Variants in GDI2 observed in about 807,000 individuals in gnomAD.
The protein encoded by GDI2 is GDP dissociation inhibitor 2.
GDI2 carries 22 observed loss-of-function variants against 54.2 expected under a neutral mutation model. That is an observed-to-expected ratio of 0.41 (90% CI 0.29 to 0.58). The LOEUF (loss-of-function observed/expected upper bound fraction) is 0.58, where lower values mean the gene tolerates loss of function less well. Among genes scored for constraint, GDI2 ranks in the 20% least tolerant of loss-of-function variants. The probability of loss-of-function intolerance (pLI) is 0.35; values close to 1 mark genes in which losing one functional copy is unlikely to be tolerated. For missense variants in GDI2, 422 were observed against 546.0 expected (o/e 0.77, Z 2.26); for synonymous variants, 177 against 182.1 (o/e 0.97, Z 0.23).
intron 4 of GDI2, among the ~76,000 whole-genome samples, chr10:5,789,799 GA>G (rs1391990165): frequency 6.6e-6 from 1 of 152,180 alleles, no homozygotes. Flanking sequence ...TGTAAACAAA[GA>G]AAGATGTAGT....
At chr10:5,809,232 G>A (rs1841440089) in intron 1 of GDI2, among the ~76,000 whole-genome samples, 2 of 78,046 alleles carry the variant, frequency 2.6e-5, no homozygotes, top group South Asian at 4.1e-4. Flanking sequence ...GCAACAGAGT[G>A]AGACTCCATC....
At chr10:5,785,694 A>G (rs1340274925) in intron 5 of GDI2, among the ~76,000 whole-genome samples, 158 bp downstream of exon 5, 1 of 152,142 alleles carries the variant, frequency 6.6e-6, no homozygotes. Flanking sequence ...TTATATTTAA[A>G]TCACTTAAAA....
Position 5,768,516 on chromosome 10 carries a change from G to A in GDI2, c.820-132C>T. The A allele has an allele frequency of 1.6e-6, 1 of 630,008 alleles. No individual in the cohort carries two copies. Among genetic ancestry groups the A allele is most frequent in the Non-Finnish European group, 2.8e-6 (1 of 362,506 alleles). The allele number at this position is 630,008 out of a possible 1,614,324, so 39.0% of individuals were successfully genotyped here. Reference sequence around the variant, plus strand: ...TCCTCAAGTTCATATTGGTTCCCAAGGGATTGAATTCTGGAACAACCAAAA... The same window carrying A: ...TCCTCAAGTTCATATTGGTTCCCAAAGGATTGAATTCTGGAACAACCAAAA... On this transcript the variant is annotated intron_variant, in intron 7 of 10. Transcript: ENST00000380191. The surrounding 1 kb of genome is among the most constrained non-coding windows in gnomAD (Gnocchi z 4.4).
In GDI2 at chr10:5,768,548, TAAA is replaced by T; in HGVS notation, c.820-167_820-165del. 1.7e-6 allele frequency: 1 copy of T among 595,388 alleles called. No homozygotes were observed. The highest frequency in any genetic ancestry group is 3.0e-6 in the Non-Finnish European group (1 of 336,742). 36.9% of individuals were successfully genotyped at this position (595,388 alleles called of 1,614,324 possible). On this transcript the variant is annotated intron_variant, in intron 7 of 10. Coordinates refer to ENST00000380191, the MANE Select transcript of GDI2 (RefSeq NM_001494.4). This position sits in a 1 kb window ranked among gnomAD's most constrained non-coding sequence, Gnocchi z 4.4. Reference sequence around the variant, plus strand: ...AATTCTGGAACAACCAAAACAATCTTAAAAGAAGAACAGCAAAGCTGGAGGACT... The same window carrying T: ...AATTCTGGAACAACCAAAACAATCTTAGAAGAACAGCAAAGCTGGAGGACT...
intron 1 of GDI2, among the ~76,000 whole-genome samples, chr10:5,806,384 C>T (rs908033317): frequency 6.2e-4 from 23 of 36,824 alleles, no homozygotes; most frequent in Non-Finnish European, 1.1e-3. Context: ...AGTGAGACCC[C>T]CATCTCTACA....
At chr10:5,771,945 C>A (rs547888063) in intron 7 of GDI2, among the ~76,000 whole-genome samples, 5 of 152,208 alleles carry the variant, frequency 3.3e-5, no homozygotes, top group African/African-American at 1.2e-4. Context: ...CAAAAATTAG[C>A]TGGGCATGGT....
intron 2 of GDI2, among the ~76,000 whole-genome samples, chr10:5,797,170 A>T (rs1257105373): frequency 6.6e-6 from 1 of 152,008 alleles, no homozygotes; most frequent in East Asian, 1.9e-4. Context: ...AGCACTTTGT[A>T]ATCCATGAGG....
chr10:5,781,409 T>G (rs1451862930), intron 6 of GDI2, among the ~76,000 whole-genome samples: 4 of 145,794 alleles, frequency 2.7e-5, no homozygotes, highest in South Asian at 2.2e-4. Context: ...AGGCGGATCA[T>G]GAAGTCAGCA....
chr10:5,776,317 G>C lies in GDI2; in HGVS notation c.720-2376C>G. ...GCCCAGCAGAACATAGGATGTAGCT[G>C]CCCATCTCACAAACCCTCTGCTGAG... is the stretch of plus-strand genomic sequence containing the variant. On this transcript the variant is annotated intron_variant, in intron 6 of 10. Transcript: ENST00000380191. The surrounding 1 kb of genome is among the most constrained non-coding windows in gnomAD (Gnocchi z 5.3). The C allele has an allele frequency of 1.6e-6, 1 of 612,236 alleles. No homozygotes were observed. The highest frequency in any genetic ancestry group is 1.8e-5 in the South Asian group (1 of 55,968). The allele number at this position is 612,236 out of a possible 1,614,324, so 37.9% of individuals were successfully genotyped here. A position where few individuals can be genotyped will look rare whatever the true frequency, so the allele number is the denominator to read the frequency against.
chr10:5,800,547 G>C lies in GDI2; in HGVS notation c.153+51C>G, dbSNP rs779881266. 6 of 865,874 alleles carry C rather than the reference G, an allele frequency of 6.9e-6. No homozygotes were observed. The East Asian group carries it at 1.2e-4, about 17-fold the overall frequency. 53.6% of individuals were successfully genotyped at this position (865,874 alleles called of 1,614,324 possible). ...TAAGGAATAAGGTAGAGATTCACAA[G>C]TGAAATACTCACAAAGTGTGAGAGG... is the stretch of plus-strand genomic sequence containing the variant. On this transcript the variant is annotated intron_variant, in intron 2 of 10. Coordinates refer to ENST00000380191, the MANE Select transcript of GDI2 (RefSeq NM_001494.4).
At position 5,768,513 on chromosome 10, in the gene GDI2, C is replaced by T; in HGVS notation, c.820-129G>A. On this transcript the variant is annotated intron_variant, in intron 7 of 10. Coordinates refer to ENST00000380191, the MANE Select transcript of GDI2 (RefSeq NM_001494.4). This position sits in a 1 kb window ranked among gnomAD's most constrained non-coding sequence, Gnocchi z 4.4. Reference sequence around the variant, plus strand: ...CCATCCTCAAGTTCATATTGGTTCCCAAGGGATTGAATTCTGGAACAACCA... The same window carrying T: ...CCATCCTCAAGTTCATATTGGTTCCTAAGGGATTGAATTCTGGAACAACCA... 2 of 635,690 alleles carry T rather than the reference C, an allele frequency of 3.1e-6. No homozygotes were observed. Among genetic ancestry groups the T allele is most frequent in the Non-Finnish European group, 5.5e-6 (2 of 365,882 alleles). 39.4% of individuals were successfully genotyped at this position (635,690 alleles called of 1,614,324 possible).
At chr10:5,806,820 C>T (rs368933727) in intron 1 of GDI2, among the ~76,000 whole-genome samples, 20 of 152,272 alleles carry the variant, frequency 1.3e-4, no homozygotes, top group Admixed American at 8.5e-4. Context: ...CAGTTACATT[C>T]CCAGCTGACA....
Position 5,766,229 on chromosome 10 carries a change from T to C in GDI2, c.1191+12A>G. 1 of 1,612,278 alleles carries C rather than the reference T, an allele frequency of 6.2e-7. No individual in the cohort carries two copies. On this transcript the variant is annotated intron_variant, in intron 10 of 10. Coordinates refer to ENST00000380191, the MANE Select transcript of GDI2 (RefSeq NM_001494.4). The surrounding 1 kb of genome is among the most constrained non-coding windows in gnomAD (Gnocchi z 5.8). ...GAAACCTGCCCATATCCTTTCACAC[T>C]TCCATACTCACCTGGCTTTCTGTTC... is the stretch of plus-strand genomic sequence containing the variant.
At chr10:5,780,962 G>A (rs979061314) in intron 6 of GDI2, among the ~76,000 whole-genome samples, 1 of 152,110 alleles carries the variant, frequency 6.6e-6, no homozygotes, top group South Asian at 2.1e-4. Context: ...AAAAGTTGGC[G>A]AAAGTGTTAT....
Position 5,766,204 on chromosome 10 carries a change from G to A in GDI2, c.1191+37C>T. On this transcript the variant is annotated intron_variant, in intron 10 of 10. Coordinates refer to ENST00000380191, the MANE Select transcript of GDI2 (RefSeq NM_001494.4). The surrounding 1 kb of genome is among the most constrained non-coding windows in gnomAD (Gnocchi z 5.8). ...AGACCATGGAGGGATGTCTTCCAGT[G>A]AAACCTGCCCATATCCTTTCACACT... The A allele has an allele frequency of 6.2e-7, 1 of 1,611,282 alleles. No individual in the cohort carries two copies. The highest frequency in any genetic ancestry group is 2.2e-5 in the East Asian group (1 of 44,870).
At chr10:5,773,493 T>C (rs1840545672) in intron 7 of GDI2, among the ~76,000 whole-genome samples, 1 of 152,132 alleles carries the variant, frequency 6.6e-6, no homozygotes, top group Non-Finnish European at 1.5e-5. Context: ...TAATTCACAT[T>C]TGAGAAATGC....
intron 1 of GDI2, among the ~76,000 whole-genome samples, chr10:5,812,900 G>A (rs1841507100): frequency 6.6e-6 from 1 of 152,194 alleles, no homozygotes; most frequent in Non-Finnish European, 1.5e-5. Flanking sequence ...CCTTGGCCCG[G>A]GCGGCCTTCT....
intron 7 of GDI2, 37 bp downstream of exon 7, chr10:5,773,805 G>A (rs754901581): frequency 3.4e-6 from 3 of 875,562 alleles, no homozygotes; most frequent in East Asian, 4.8e-5. Flanking sequence ...TTCTTCACAA[G>A]AACATAGTAA....
chr10:5,794,987 C>T lies in GDI2; in HGVS notation c.286G>A (p.Val96Ile). 6.3e-7 allele frequency: 1 copy of T among 1,592,490 alleles called. No individual in the cohort carries two copies. The highest frequency in any genetic ancestry group is 8.6e-7 in the Non-Finnish European group (1 of 1,160,340). The stretch of plus-strand genomic sequence containing the variant: ...ACTTTAAAATCCAGATAGCGAGTTA[C>T]CTCTGTATAAAGCAGCATCTTAACC... ...QLVKMLLYTEVTRYLDFKVTE... is the reference protein window; with the variant it reads ...QLVKMLLYTEITRYLDFKVTE... Residue 96 changes from valine (V) to isoleucine (I), a missense_variant, in exon 4 of 11, where the codon GTA (valine) becomes ATA (isoleucine). Val to Ile is a conservative substitution (Grantham distance 29). Coordinates refer to ENST00000380191, the MANE Select transcript of GDI2 (RefSeq NM_001494.4).
Sources: allele counts gnomAD v4.1 joint callset (sites outside exome capture counted in the v4.1 genomes callset), GRCh38; gene constraint gnomAD v4.1.1; non-coding constraint Gnocchi (gnomAD v3.1); transcripts MANE v1.5; gene names NCBI Gene and HGNC (gene_info 2026-07-23, HGNC 2026-07-21).